Variants in WWOX observed in about 807,000 individuals in gnomAD.
The protein encoded by WWOX is WW domain-containing oxidoreductase.
Under a neutral mutation model 46.2 loss-of-function variants are expected in WWOX, and 69 were observed. That is an observed-to-expected ratio of 1.49 (90% confidence interval 1.23 to 1.82). WWOX has a LOEUF of 1.82. Ranked by LOEUF, WWOX falls within the 40% of genes most tolerant of loss-of-function variation. The pLI, the probability that WWOX is intolerant of heterozygous loss-of-function variation, is 0.00. For synonymous variants in WWOX, 359 were observed against 202.6 expected (o/e 1.77, Z -6.56); for missense variants, 919 against 542.6 (o/e 1.69, Z -6.89).
intron 8 of WWOX, among the ~76,000 whole-genome samples, chr16:78,984,477 T>C (rs1182292993): frequency 6.6e-6 from 1 of 152,192 alleles, no homozygotes; most frequent in African/African-American, 2.4e-5. Flanking sequence ...AGTGAATGGA[T>C]GGGTGTGGCC....
At chr16:78,447,892 C>T (rs572927687) in intron 8 of WWOX, among the ~76,000 whole-genome samples, 1 of 152,254 alleles carries the variant, frequency 6.6e-6, no homozygotes, top group South Asian at 2.1e-4. Context: ...CAACGTCCAC[C>T]TCCTGGGTTT....
intron 8 of WWOX, among the ~76,000 whole-genome samples, chr16:78,465,545 T>C (rs2084054535): frequency 6.6e-6 from 1 of 152,236 alleles, no homozygotes; most frequent in Admixed American, 6.5e-5. Flanking sequence ...TGTTGGGCAA[T>C]GTCCCTGAAT....
intron 8 of WWOX, among the ~76,000 whole-genome samples, chr16:79,162,752 G>A (rs1041667740): frequency 2.6e-5 from 4 of 152,162 alleles, no homozygotes; most frequent in Non-Finnish European, 4.4e-5. Flanking sequence ...AGGGCATCCT[G>A]CAAATTTGCT....
At chr16:78,123,006 A>G (rs1434756558) in intron 4 of WWOX, among the ~76,000 whole-genome samples, 1 of 152,152 alleles carries the variant, frequency 6.6e-6, no homozygotes, top group African/African-American at 2.4e-5. Flanking sequence ...AATTAAACAA[A>G]AGAGGCAGCA....
intron 8 of WWOX, among the ~76,000 whole-genome samples, chr16:78,650,360 A>G (rs1365589029): frequency 2.0e-5 from 3 of 152,192 alleles, no homozygotes; most frequent in South Asian, 4.1e-4. Context: ...CTTAAATTCC[A>G]TAAGCTGGAG....
At position 79,211,803 on chromosome 16, in the gene WWOX, C is replaced by T. The variant is rs1363281650; in HGVS notation, c.*7C>T. 2 of 1,613,976 alleles carry T rather than the reference C, an allele frequency of 1.2e-6. No homozygotes were observed. The highest frequency in any genetic ancestry group is 1.3e-5 in the African/African-American group (1 of 74,946). ...TGGCAGCCAGTCCGGCTAAGTGGAG[C>T]TCAGAGCGGATGGGCACACACACCC... On this transcript the variant is annotated 3_prime_UTR_variant, in exon 9 of 9. Coordinates refer to ENST00000566780, the MANE Select transcript of WWOX (RefSeq NM_016373.4).
intron 8 of WWOX, among the ~76,000 whole-genome samples, chr16:78,675,109 A>T (rs1214433015): frequency 6.6e-6 from 1 of 152,216 alleles, no homozygotes; most frequent in Non-Finnish European, 1.5e-5. Flanking sequence ...GAATGTTTAC[A>T]TAGATGATCG....
chr16:79,183,551 T>C (rs1287625153), intron 8 of WWOX, among the ~76,000 whole-genome samples: 4 of 152,244 alleles, frequency 2.6e-5, no homozygotes, highest in Non-Finnish European at 2.9e-5. Flanking sequence ...TGTGCTAATT[T>C]ACTGTATTCT....
intron 8 of WWOX, among the ~76,000 whole-genome samples, chr16:79,100,225 A>C (rs2049163856): frequency 6.6e-6 from 1 of 152,188 alleles, no homozygotes; most frequent in African/African-American, 2.4e-5. Flanking sequence ...ATCCCAGGGT[A>C]GATGTTAAAA....
At chr16:78,421,664 A>G (rs985849579) in intron 6 of WWOX, among the ~76,000 whole-genome samples, 1 of 152,166 alleles carries the variant, frequency 6.6e-6, no homozygotes, top group Non-Finnish European at 1.5e-5. Flanking sequence ...GGAGGTTGCT[A>G]TGGGAATGGT....
intron 8 of WWOX, among the ~76,000 whole-genome samples, chr16:79,052,669 A>C (rs574102229): frequency 6.6e-6 from 1 of 152,344 alleles, no homozygotes; most frequent in Non-Finnish European, 1.5e-5. Context: ...ACACAGCAGT[A>C]GAGTACACGT....
intron 8 of WWOX, among the ~76,000 whole-genome samples, chr16:79,024,492 G>A (rs753213335): frequency 2.6e-5 from 4 of 152,052 alleles, no homozygotes; most frequent in Non-Finnish European, 4.4e-5. Flanking sequence ...GGAGTGCAGT[G>A]GTGCTATCTC....
At position 78,504,499 on chromosome 16, in the gene WWOX, G is replaced by T. The variant is rs144220485; in HGVS notation, c.1056+71747G>T. 6.4e-3 allele frequency among the ~76,000 whole-genome samples: 980 copies of T among 152,298 alleles called. 4 individuals are homozygous for T. Among genetic ancestry groups the T allele is most frequent in the Non-Finnish European group, 0.01 (685 of 68,030 alleles). ...GTTTCCACCTCGCAGTTTTCTTCCA[G>T]GGTTGCTATGGCATGGAAAGTACAT... On this transcript the variant is annotated intron_variant, in intron 8 of 8. Coordinates refer to ENST00000566780, the MANE Select transcript of WWOX (RefSeq NM_016373.4).
chr16:78,425,779 C>G (rs1342072162), intron 7 of WWOX, among the ~76,000 whole-genome samples: 1 of 152,138 alleles, frequency 6.6e-6, no homozygotes, highest in Non-Finnish European at 1.5e-5. Context: ...GGAGATTTCT[C>G]TTTCACGTTT....
At chr16:78,360,138 A>G (rs1400772234) in intron 5 of WWOX, among the ~76,000 whole-genome samples, 1 of 152,194 alleles carries the variant, frequency 6.6e-6, no homozygotes, top group East Asian at 1.9e-4. Flanking sequence ...ACAAAAACTA[A>G]CACTATTCCC....
At chr16:79,017,429 C>CAAAAAAAAAAAAAAAAAAAAAAAAAAAAA (rs61362715) in intron 8 of WWOX, 1 of 39,124 alleles carries the variant, frequency 2.6e-5, no homozygotes. Flanking sequence ...GAATCCATCT[C>CAAAAAAAAAAAAAAAAAAAAAAAAAAAAA]AAAAAAAAAA....
intron 8 of WWOX, chr16:78,691,218 T>C (rs1226476043): frequency 1.1e-5 from 8 of 702,116 alleles, no homozygotes; most frequent in East Asian, 2.7e-5. Flanking sequence ...ATTTTAGCTA[T>C]GCTTCTCTTG....
chr16:78,215,221 T>C (rs2036680142), intron 5 of WWOX, among the ~76,000 whole-genome samples: 1 of 152,206 alleles, frequency 6.6e-6, no homozygotes, highest in Non-Finnish European at 1.5e-5. Context: ...GGTGTTGTGC[T>C]CACGTGGTGT....
At chr16:79,047,800 G>A (rs142514078) in intron 8 of WWOX, among the ~76,000 whole-genome samples, 41 of 150,434 alleles carry the variant, frequency 2.7e-4, no homozygotes, top group African/African-American at 9.8e-4. Flanking sequence ...CTGATGACTG[G>A]CTCACAGTAG....
Sources: allele counts gnomAD v4.1 joint callset (sites outside exome capture counted in the v4.1 genomes callset), GRCh38; gene constraint gnomAD v4.1.1; transcripts MANE v1.5; gene names NCBI Gene and HGNC (gene_info 2026-07-23, HGNC 2026-07-21).